KLK10: variants seen among roughly 807,000 people sequenced by gnomAD.
KLK10 encodes kallikrein-10.
KLK10 carries 27 observed loss-of-function variants against 25.7 expected under a neutral mutation model. The ratio of observed to expected loss-of-function variants is 1.05; its 90% CI spans 0.77 to 1.45. The LOEUF (loss-of-function observed/expected upper bound fraction) is 1.45. Ranked by LOEUF, KLK10 falls within the 40% of genes most tolerant of loss-of-function variation. KLK10 has a pLI of 0.00. For missense variants in KLK10, 386 were observed against 370.0 expected, an observed-to-expected ratio of 1.04 and a Z score of -0.35; for synonymous variants, 173 against 160.1, an observed-to-expected ratio of 1.08 and a Z score of -0.61.
chr19:51,015,211 A>G (rs907581140), intron 5 of KLK10, among the ~76,000 whole-genome samples: 1 of 149,286 alleles, frequency 6.7e-6, no homozygotes, highest in Non-Finnish European at 1.5e-5. Context: ...GGGGATGAAA[A>G]TGGGCTTGGA....
intron 3 of KLK10, 97 bp downstream of exon 3, chr19:51,017,013 G>A: frequency 8.1e-7 from 1 of 1,233,930 alleles, no homozygotes; most frequent in Non-Finnish European, 1.1e-6. Context: ...CGCACCTCCA[G>A]CTGTGGGAGT....
intron 2 of KLK10, among the ~76,000 whole-genome samples, chr19:51,018,181 A>G (rs1482401813): frequency 7.2e-6 from 1 of 138,208 alleles, no homozygotes; most frequent in East Asian, 2.1e-4. Flanking sequence ...AAAAAAAAAA[A>G]AAAAAGAAGG....
rs2091289345 is a variant in KLK10 at position 51,013,701 on chromosome 19, A to G, written c.*1099T>C. On this transcript the variant is annotated 3_prime_UTR_variant, in exon 6 of 6. Transcript: ENST00000358789. ...CGGCCTCCCAAAGTGCTAGGATTAC[A>G]GGCGTGAGCCACCACACCCAGCGGA... 6.5e-6 allele frequency: 1 copy of G among 153,794 alleles called. No individual in the cohort carries two copies. The highest frequency in any genetic ancestry group is 1.5e-5 in the Non-Finnish European group (1 of 68,098). The allele number at this position is 153,794 out of a possible 1,614,324, so 9.5% of individuals were successfully genotyped here.
Position 51,019,311 on chromosome 19 carries a change from T to A in KLK10, c.-9-172A>T, listed in dbSNP as rs2091378285. ...GAGATTCGGGCTGGAACAGCGGTAA[T>A]GGGCACAATTACCCTAATGACGCCC... On this transcript the variant is annotated intron_variant, in intron 1 of 5. Coordinates refer to ENST00000358789, the MANE Select transcript of KLK10 (RefSeq NM_145888.3). The surrounding 1 kb of genome is among the most constrained non-coding windows in gnomAD (Gnocchi z 4.2). Among the ~76,000 whole-genome samples, 1 of 152,164 alleles carries A rather than the reference T, an allele frequency of 6.6e-6. No homozygotes were observed. The highest frequency in any genetic ancestry group is 2.4e-5 in the African/African-American group (1 of 41,434).
In KLK10 at chr19:51,015,430, T is replaced by C; in HGVS notation, c.665A>G (p.Gln222Arg). The change falls in exon 5 of 6, where the codon CAG becomes CGG. Residue 222 changes from glutamine to arginine, a missense_variant. By Grantham distance (43) the Gln-to-Arg change is conservative. Coordinates refer to ENST00000358789, the MANE Select transcript of KLK10 (RefSeq NM_145888.3). ...NMICAGLDRGQDPCQSDSGGP... is the reference protein window; with the variant it reads ...NMICAGLDRGRDPCQSDSGGP... ...TTCAGACCCTACCTGGCAAGGGTCC[T>C]GGCCCCGGTCCAGTCCAGCACATAT... The C allele has an allele frequency of 1.2e-6, 2 of 1,613,756 alleles. No individual in the cohort carries two copies. Among genetic ancestry groups the C allele is most frequent in the South Asian group, 1.1e-5 (1 of 91,062 alleles).
intron 2 of KLK10, among the ~76,000 whole-genome samples, chr19:51,017,680 CG>C (rs909588220): frequency 4.0e-5 from 6 of 151,134 alleles, no homozygotes; most frequent in African/African-American, 1.2e-4. Context: ...AATAACAAAA[CG>C]GGATTGAAAA....
Position 51,014,516 on chromosome 19 carries a change from T to C in KLK10, c.*284A>G, listed in dbSNP as rs1287902963. On this transcript the variant is annotated 3_prime_UTR_variant, in exon 6 of 6. Transcript: ENST00000358789. ...AGTCAGGTTGGGTGACCCCAGTAAC[T>C]GCTCTCAGAGGCTGGGTGATGACCG... The C allele has an allele frequency of 3.7e-6, 1 of 271,100 alleles. No homozygotes were observed. Among genetic ancestry groups the C allele is most frequent in the Non-Finnish European group, 7.0e-6 (1 of 142,028 alleles). The allele number at this position is 271,100 out of a possible 1,614,324, so 16.8% of individuals were successfully genotyped here.
Position 51,017,099 on chromosome 19 carries a change from TCTC to T in KLK10, c.269+8_269+10del, listed in dbSNP as rs758602749. 2.5e-6 allele frequency: 4 copies of T among 1,584,744 alleles called. No homozygotes were observed. In the South Asian group the frequency reaches 3.4e-5, roughly 14 times the overall value. ...CCCCCGTGGCGTCCTCGGGGATGGA[TCTC>T]CTCCTACTTGTTTCCGCAGTGCGCG... On this transcript the variant is annotated splice_region_variant and intron_variant, in intron 3 of 5. Transcript: ENST00000358789.
At position 51,014,445 on chromosome 19, in the gene KLK10, G is replaced by T; in HGVS notation, c.*355C>A. 1 of 213,956 alleles carries T rather than the reference G, an allele frequency of 4.7e-6. No individual in the cohort carries two copies. The highest frequency in any genetic ancestry group is 9.4e-6 in the Non-Finnish European group (1 of 106,450). The allele number at this position is 213,956 out of a possible 1,614,324, so 13.3% of individuals were successfully genotyped here. A position where few individuals can be genotyped will look rare whatever the true frequency, so the allele number is the denominator to read the frequency against. ...AGATGAGGAAACTGAGGTTCAGAGAGGGCACTTGGCTTGCCCAAAGTCACA... is the reference window on the plus strand; with the variant it reads ...AGATGAGGAAACTGAGGTTCAGAGATGGCACTTGGCTTGCCCAAAGTCACA... On this transcript the variant is annotated 3_prime_UTR_variant, in exon 6 of 6. Transcript: ENST00000358789.
chr19:51,019,000 C>A, intron 2 of KLK10, 43 bp downstream of exon 2: 1 of 1,372,716 alleles, frequency 7.3e-7, no homozygotes, highest in Non-Finnish European at 1.0e-6. Flanking sequence ...CCCGCCCGTG[C>A]CTCCCACCGG....
At chr19:51,017,856 G>T (rs1447895622) in intron 2 of KLK10, among the ~76,000 whole-genome samples, 1 of 151,624 alleles carries the variant, frequency 6.6e-6, no homozygotes, top group Non-Finnish European at 1.5e-5. Flanking sequence ...CAACAAAAAA[G>T]TAGTCGCGGA....
chr19:51,019,124 C>T lies in KLK10; in HGVS notation c.7G>A (p.Ala3Thr), dbSNP rs1453163869. Residue 3 changes from alanine to threonine, a missense_variant, in exon 2 of 6, where the codon GCT becomes ACT. Ala to Thr is a moderately conservative substitution (Grantham distance 58). Coordinates refer to ENST00000358789, the MANE Select transcript of KLK10 (RefSeq NM_145888.3). The surrounding 1 kb of genome is among the most constrained non-coding windows in gnomAD (Gnocchi z 4.2). MR[A>T]PHLHLSAASG... ...GCGGCGGAGAGGTGGAGGTGCGGAG[C>T]TCTCATGGCCAGGATCTGCTGGGGT... The T allele has an allele frequency of 9.3e-6, 15 of 1,608,948 alleles. No homozygotes were observed. Among genetic ancestry groups the T allele is most frequent in the Non-Finnish European group, 1.2e-5 (14 of 1,179,068 alleles).
Position 51,017,008 on chromosome 19 carries a change from C to T in KLK10, c.269+102G>A, listed in dbSNP as rs1367586046. On this transcript the variant is annotated intron_variant, in intron 3 of 5. Coordinates refer to ENST00000358789, the MANE Select transcript of KLK10 (RefSeq NM_145888.3). ...GCTGGAAGGACACCGGGGACCGCACCTCCAGCTGTGGGAGTTCCGAGAGAC... is the reference window on the plus strand; with the variant it reads ...GCTGGAAGGACACCGGGGACCGCACTTCCAGCTGTGGGAGTTCCGAGAGAC... 11 of 1,203,090 alleles carry T rather than the reference C, an allele frequency of 9.1e-6. No individual in the cohort carries two copies. In the East Asian group the frequency reaches 2.9e-4, roughly 32 times the overall value. The allele number at this position is 1,203,090 out of a possible 1,614,324, so 74.5% of individuals were successfully genotyped here. A position where few individuals can be genotyped will look rare whatever the true frequency, so the allele number is the denominator to read the frequency against.
rs578227803 is a variant in KLK10, at chr19:51,014,813, A to T, written c.818T>A (p.Ile273Lys). ...GTAGCATCTGGATCAGTTGGAGCGT[A>T]TGACTTTATTGATCCAGGACATGTA... ...CKYMSWINKV[I>K]RSN is the part of the protein sequence containing the mutation. The change falls in exon 6 of 6, where the codon ATA becomes AAA. Residue 273 changes from isoleucine (I) to lysine (K), a missense_variant. By Grantham distance (102) the Ile-to-Lys change is moderately radical (BLOSUM62 -3). Coordinates refer to ENST00000358789, the MANE Select transcript of KLK10 (RefSeq NM_145888.3). 1.2e-5 allele frequency: 19 copies of T among 1,613,614 alleles called. No homozygotes were observed. The highest frequency in any genetic ancestry group is 1.6e-5 in the Non-Finnish European group (19 of 1,179,648).
Position 51,019,500 on chromosome 19 carries a change from G to A in KLK10, c.-10+127C>T, listed in dbSNP as rs77303625. Reference sequence around the variant, plus strand: ...GGAGCCTCTTTCTCAACCTCACAGCGGGGGGACTTCCGCGTCCCGCAGGTG... The same window carrying A: ...GGAGCCTCTTTCTCAACCTCACAGCAGGGGGACTTCCGCGTCCCGCAGGTG... On this transcript the variant is annotated intron_variant, in intron 1 of 5. Transcript: ENST00000358789. The surrounding 1 kb of genome is among the most constrained non-coding windows in gnomAD (Gnocchi z 4.2). The A allele has an allele frequency of 0.2, 36,654 of 183,542 alleles. 3,903 individuals carry two copies. Among genetic ancestry groups the A allele is most frequent in the Non-Finnish European group, 0.22 (19,864 of 88,594 alleles). The allele number at this position is 183,542 out of a possible 1,614,324, so 11.4% of individuals were successfully genotyped here.
chr19:51,015,966 G>T lies in KLK10; in HGVS notation c.460C>A (p.Arg154=), dbSNP rs775616277. ...CAGCGGTAGGGAAGCTGCAGGGCCC[G>T]GACGCGGGGCCCCAGCACTACGGGC... ...ARPVVLGPRV[R]ALQLPYRCAQ... The change falls in exon 4 of 6, where the codon CGG becomes AGG. Residue 154 remains arginine (R), a synonymous_variant. Transcript: ENST00000358789. 1 of 1,583,210 alleles carries T rather than the reference G, an allele frequency of 6.3e-7. No individual in the cohort carries two copies. Among genetic ancestry groups the T allele is most frequent in the Non-Finnish European group, 8.6e-7 (1 of 1,165,778 alleles).
chr19:51,016,709 A>G (rs2091333157), intron 3 of KLK10, among the ~76,000 whole-genome samples: 1 of 151,100 alleles, frequency 6.6e-6, no homozygotes, highest in Non-Finnish European at 1.5e-5. Flanking sequence ...AAGTGCTGGG[A>G]TTACAGGCGT....
rs1055531629 is a variant in KLK10 at position 51,019,416 on chromosome 19, C to T, written c.-10+211G>A. Among the ~76,000 whole-genome samples the T allele has an allele frequency of 2.6e-5, 4 of 152,214 alleles. No homozygotes were observed. The highest frequency in any genetic ancestry group is 7.2e-5 in the African/African-American group (3 of 41,462). On this transcript the variant is annotated intron_variant, in intron 1 of 5. Coordinates refer to ENST00000358789, the MANE Select transcript of KLK10 (RefSeq NM_145888.3). This position sits in a 1 kb window ranked among gnomAD's most constrained non-coding sequence, Gnocchi z 4.2. Reference sequence around the variant, plus strand: ...AGCTACCCTGGCTGCAGCCACGCCGCGCCCGAGGTTTCCCCCTCCTTCACG... The same window carrying T: ...AGCTACCCTGGCTGCAGCCACGCCGTGCCCGAGGTTTCCCCCTCCTTCACG...
At position 51,019,093 on chromosome 19, in the gene KLK10, C is replaced by T. The variant is rs755105316; in HGVS notation, c.38G>A (p.Gly13Asp). The T allele has an allele frequency of 1.1e-5, 17 of 1,609,036 alleles. No individual in the cohort carries two copies. The highest frequency in any genetic ancestry group is 2.7e-5 in the African/African-American group (2 of 74,890). The change falls in exon 2 of 6, where the codon GGC (glycine) becomes GAC (aspartate). Residue 13 changes from glycine (G) to aspartate (D), a missense_variant. By Grantham distance (94) the Gly-to-Asp change is moderately conservative (BLOSUM62 -1). Coordinates refer to ENST00000358789, the MANE Select transcript of KLK10 (RefSeq NM_145888.3). This position sits in a 1 kb window ranked among gnomAD's most constrained non-coding sequence, Gnocchi z 4.2. The part of the protein sequence containing the change: ...APHLHLSAAS[G>D]ARALAKLLPL... ...CAGCAGCTTCGCCAGAGCCCGGGCG[C>T]CAGAGGCGGCGGAGAGGTGGAGGTG...
Sources: gnomAD v4.1 joint callset for allele counts (sites outside exome capture counted in the v4.1 genomes callset) on GRCh38, gnomAD v4.1.1 for gene constraint, Gnocchi (gnomAD v3.1) non-coding constraint, MANE v1.5 for transcripts, NCBI Gene and HGNC (gene_info 2026-07-23, HGNC 2026-07-21) for gene names.